The following CNNM2 variants were observed in gnomAD, a reference collection of about 807,000 sequenced individuals.
CNNM2 encodes the protein metal transporter CNNM2.
Under a neutral mutation model 66.9 loss-of-function variants are expected in CNNM2, and 12 were observed. That is an observed-to-expected ratio of 0.18 (90% CI 0.11 to 0.29). CNNM2 has a LOEUF of 0.29. Among genes scored for constraint, CNNM2 ranks in the 10% least tolerant of loss-of-function variants. The probability of loss-of-function intolerance (pLI) is 1.00; values close to 1 mark genes in which losing one functional copy is unlikely to be tolerated. For synonymous variants in CNNM2, 557 were observed against 501.8 expected (o/e 1.11, Z -1.47); for missense variants, 705 against 1,167.7 (o/e 0.60, Z 5.77).
intron 3 of CNNM2, among the ~76,000 whole-genome samples, chr10:103,056,282 G>A (rs557029806): frequency 6.6e-6 from 1 of 151,498 alleles, no homozygotes; most frequent in East Asian, 1.9e-4. Flanking sequence ...TTAGCATGTT[G>A]ATGTGTGCAC....
chr10:103,010,597 G>C (rs751196328), intron 1 of CNNM2, among the ~76,000 whole-genome samples: 1 of 151,722 alleles, frequency 6.6e-6, no homozygotes, highest in Non-Finnish European at 1.5e-5. Flanking sequence ...ATGTTAAAGG[G>C]TAGTGGGATT....
At position 102,973,553 on chromosome 10, in the gene CNNM2, A is replaced by C. The variant is rs189836299; in HGVS notation, c.1621+53452A>C. On this transcript the variant is annotated intron_variant, in intron 1 of 7. Transcript: ENST00000369878. ...TTTTTGGTAGAGACAAGGTCTTACT[A>C]TGTTGTGCCCCCAGGCTGGTCTTAA... Among the ~76,000 whole-genome samples, 12 of 147,930 alleles carry C rather than the reference A, an allele frequency of 8.1e-5. No individual in the cohort carries two copies. In the East Asian group the frequency reaches 2.4e-3, roughly 29 times the overall value.
rs556530048 is a variant in CNNM2, at chr10:103,056,509, C to T, written c.1904-286C>T. On this transcript the variant is annotated intron_variant, in intron 3 of 7. Transcript: ENST00000369878. ...CCCCGCACTCAAGGAGCCCGCTTGC[C>T]GTTGATTTTCGTTTCTGTCAGTGAA... Among the ~76,000 whole-genome samples, 493 of 152,242 alleles carry T rather than the reference C, an allele frequency of 3.2e-3. 5 individuals are homozygous for T. The highest frequency in any genetic ancestry group is 8.7e-3 in the South Asian group (42 of 4,828).
intron 1 of CNNM2, among the ~76,000 whole-genome samples, chr10:102,990,245 T>C (rs2063875543): frequency 1.3e-5 from 2 of 152,106 alleles, no homozygotes; most frequent in Non-Finnish European, 2.9e-5. Flanking sequence ...GGATTACAGG[T>C]GTGAGCCACC....
Position 102,993,950 on chromosome 10 carries a change from TGA to T in CNNM2, c.1622-55755_1622-55754del, listed in dbSNP as rs367825668. On this transcript the variant is annotated intron_variant, in intron 1 of 7. Coordinates refer to ENST00000369878, the MANE Select transcript of CNNM2 (RefSeq NM_017649.5). ...TCAAAATCTTTTTTCTGTGTGTGTG[TGA>T]GTGTGACAGAGTCTTACTCTGTCAC... 4.9e-3 allele frequency among the ~76,000 whole-genome samples: 749 copies of T among 152,168 alleles called. 5 individuals carry two copies. The highest frequency in any genetic ancestry group is 0.017 in the African/African-American group (719 of 41,518).
At chr10:102,960,112 CT>C (rs1452605373) in intron 1 of CNNM2, among the ~76,000 whole-genome samples, 2 of 151,852 alleles carry the variant, frequency 1.3e-5, no homozygotes, top group African/African-American at 4.8e-5. Context: ...ATAATCTCTC[CT>C]AGGGTCATGA....
chr10:103,072,501 C>T (rs937312900), intron 6 of CNNM2, among the ~76,000 whole-genome samples: 2 of 151,912 alleles, frequency 1.3e-5, no homozygotes, highest in Admixed American at 1.3e-4. Flanking sequence ...AGGCAGGCGA[C>T]CCCGCTTCTC....
intron 1 of CNNM2, chr10:102,927,269 CAT>C (rs1845902457): frequency 9.4e-6 from 15 of 1,595,318 alleles, no homozygotes; most frequent in South Asian, 4.5e-5. Context: ...TAAACTCAAA[CAT>C]GTGGAAGTGG....
rs1350098725 is a variant in CNNM2 at position 102,920,023 on chromosome 10, A to C, written c.1543A>C (p.Thr515Pro). ...PDDCTPLKTI[T>P]KFYNHPLHFV... ...TGACTGTACCCCCCTGAAAACCATC[A>C]CCAAATTTTATAACCACCCCTTGCA... is the stretch of plus-strand genomic sequence containing the variant. Residue 515 changes from threonine (T) to proline (P), a missense_variant, in exon 1 of 8, where the codon ACC becomes CCC. Physicochemically the swap from Thr to Pro is conservative, Grantham distance 38 (BLOSUM62 -1). Around this residue, in one of 9 missense-constraint regions of CNNM2, gnomAD observed 171 missense variants for 304.8 expected, o/e 0.56. Transcript: ENST00000369878. The C allele has an allele frequency of 6.2e-7, 1 of 1,614,174 alleles. No individual in the cohort carries two copies.
At chr10:103,038,924 G>GT (rs745425661) in intron 1 of CNNM2, among the ~76,000 whole-genome samples, 23 of 151,988 alleles carry the variant, frequency 1.5e-4, no homozygotes, top group Non-Finnish European at 3.1e-4. Flanking sequence ...TTTTTCTGGT[G>GT]TATTTTATGG....
At chr10:102,996,232 AT>A (rs529109432) in intron 1 of CNNM2, among the ~76,000 whole-genome samples, 135 of 141,604 alleles carry the variant, frequency 9.5e-4, no homozygotes, top group Middle Eastern at 7.5e-3. Context: ...GTTTGGTTTC[AT>A]TTTTTTTTTT....
At chr10:103,073,856 G>A (rs1215652663) in intron 6 of CNNM2, among the ~76,000 whole-genome samples, 5 of 119,438 alleles carry the variant, frequency 4.2e-5, no homozygotes, top group African/African-American at 6.6e-5. Context: ...GCGACAGAGC[G>A]AGACTCCGTC....
At position 103,079,531 on chromosome 10, in the gene CNNM2, C is replaced by G. The variant is rs988843204; in HGVS notation, c.*2351C>G. On this transcript the variant is annotated 3_prime_UTR_variant, in exon 8 of 8. Transcript: ENST00000369878. ...CTTTATAAATCCTAAAGAACTGAGT[C>G]TGGGGAGAGGAGAGGGGATGCCAGC... is the stretch of plus-strand genomic sequence containing the variant. 8 of 152,288 alleles carry G rather than the reference C, an allele frequency of 5.3e-5. No individual in the cohort carries two copies. The highest frequency in any genetic ancestry group is 1.9e-4 in the African/African-American group (8 of 41,428). The allele number at this position is 152,288 out of a possible 1,614,324, so 9.4% of individuals were successfully genotyped here. A position where few individuals can be genotyped will look rare whatever the true frequency, so the allele number is the denominator to read the frequency against.
At chr10:103,034,526 TTATG>T (rs1277742554) in intron 1 of CNNM2, among the ~76,000 whole-genome samples, 1 of 152,176 alleles carries the variant, frequency 6.6e-6, no homozygotes, top group Non-Finnish European at 1.5e-5. Context: ...GACCACATTT[TTATG>T]TATGACTTTT....
At chr10:103,026,601 CAAAAAAAA>C (rs887780071) in intron 1 of CNNM2, among the ~76,000 whole-genome samples, 10 of 64,932 alleles carry the variant, frequency 1.5e-4, no homozygotes, top group African/African-American at 3.0e-4. Flanking sequence ...ACCTTGTCTT[CAAAAAAAA>C]AAAAAAAAAA....
At chr10:103,046,479 G>T (rs1465073112) in intron 1 of CNNM2, among the ~76,000 whole-genome samples, 1 of 151,988 alleles carries the variant, frequency 6.6e-6, no homozygotes, top group Non-Finnish European at 1.5e-5. Flanking sequence ...ACTTTTTTTG[G>T]TCTCAGGACC....
Position 103,054,324 on chromosome 10 carries a change from C to T in CNNM2, c.1766-5C>T, listed in dbSNP as rs1312596675. 6.2e-7 allele frequency: 1 copy of T among 1,613,624 alleles called. No individual in the cohort carries two copies. The highest frequency in any genetic ancestry group is 8.5e-7 in the Non-Finnish European group (1 of 1,179,750). ...TTTTTTTCTCTCTTTTAATTCCTCC[C>T]TTAGCTGACAACAGAACGAAAAAGA... On this transcript the variant is annotated splice_polypyrimidine_tract_variant and splice_region_variant and intron_variant, in intron 2 of 7. Transcript: ENST00000369878. The surrounding 1 kb of genome is among the most constrained non-coding windows in gnomAD (Gnocchi z 5.2).
At chr10:102,961,676 T>C (rs2063381597) in intron 1 of CNNM2, among the ~76,000 whole-genome samples, 1 of 152,198 alleles carries the variant, frequency 6.6e-6, no homozygotes, top group South Asian at 2.1e-4. Flanking sequence ...TATCACTCTT[T>C]CTTTGCAGTA....
chr10:102,938,014 A>ATGTG (rs1173088183), intron 1 of CNNM2, among the ~76,000 whole-genome samples: 1 of 151,538 alleles, frequency 6.6e-6, no homozygotes, highest in East Asian at 2.0e-4. Context: ...AATAATGACA[A>ATGTG]TGTGTGGGGC....
Sources: allele counts gnomAD v4.1 joint callset (sites outside exome capture counted in the v4.1 genomes callset), GRCh38; gene constraint gnomAD v4.1.1; regional missense constraint gnomAD v4.1.1; non-coding constraint Gnocchi (gnomAD v3.1); transcripts MANE v1.5; gene names NCBI Gene and HGNC (gene_info 2026-07-23, HGNC 2026-07-21).